Variants in NLGN1 observed in about 807,000 individuals in gnomAD.
NLGN1 encodes neuroligin-1.
In NLGN1, 12 loss-of-function variants were observed where a neutral mutation model predicts 65.5. The ratio of observed to expected loss-of-function variants is 0.18; its 90% CI spans 0.12 to 0.30. NLGN1 has a LOEUF of 0.30. NLGN1 is among the 10% of genes least tolerant of loss of function. The pLI is 1.00. For synonymous variants in NLGN1, 350 were observed against 359.5 expected, an observed-to-expected ratio of 0.97 and a Z score of 0.30; for missense variants, 750 against 1,007.1, an observed-to-expected ratio of 0.74 and a Z score of 3.46.
At chr3:173,845,459 G>A (rs1422086248) in intron 4 of NLGN1, among the ~76,000 whole-genome samples, 1 of 152,152 alleles carries the variant, frequency 6.6e-6, no homozygotes, top group Non-Finnish European at 1.5e-5. Context: ...ACACTCAGAA[G>A]TATCTTAATG....
At chr3:173,476,179 C>G (rs930620985) in intron 2 of NLGN1, among the ~76,000 whole-genome samples, 1 of 152,166 alleles carries the variant, frequency 6.6e-6, no homozygotes, top group Non-Finnish European at 1.5e-5. Context: ...TTCTTTAGAT[C>G]AGCAGAGTGC....
At chr3:173,450,201 T>C (rs376151350) in intron 2 of NLGN1, among the ~76,000 whole-genome samples, 6 of 152,306 alleles carry the variant, frequency 3.9e-5, no homozygotes, top group East Asian at 1.9e-4. Context: ...TGGCTGGTAC[T>C]GGTTGTTCCT....
At chr3:173,586,342 T>A (rs1301678063) in intron 2 of NLGN1, among the ~76,000 whole-genome samples, 1 of 152,240 alleles carries the variant, frequency 6.6e-6, no homozygotes, top group Admixed American at 6.5e-5. Flanking sequence ...TCTGTGTGTG[T>A]GAACTCATCA....
At chr3:173,623,289 A>T (rs1344231361) in intron 3 of NLGN1, among the ~76,000 whole-genome samples, 1 of 151,958 alleles carries the variant, frequency 6.6e-6, no homozygotes, top group Non-Finnish European at 1.5e-5. Flanking sequence ...GTTCAGTCTG[A>T]TTGGAAAAGA....
chr3:174,081,187 T>A (rs1215977960), intron 4 of NLGN1, among the ~76,000 whole-genome samples: 1 of 152,122 alleles, frequency 6.6e-6, no homozygotes, highest in East Asian at 1.9e-4. Flanking sequence ...AATTGCTCCA[T>A]GTTGGTGTGC....
chr3:173,619,273 C>T (rs1255978166), intron 3 of NLGN1, among the ~76,000 whole-genome samples: 2 of 152,072 alleles, frequency 1.3e-5, no homozygotes, highest in East Asian at 3.9e-4. Flanking sequence ...TAGTTCCCTT[C>T]ACATCTAAGG....
chr3:173,668,861 T>A (rs527355704), intron 3 of NLGN1, among the ~76,000 whole-genome samples: 14 of 152,050 alleles, frequency 9.2e-5, no homozygotes, highest in Non-Finnish European at 1.6e-4. Context: ...TGACCTCAAG[T>A]GATCCGCCCG....
chr3:173,535,655 G>T (rs978629831), intron 2 of NLGN1, among the ~76,000 whole-genome samples: 2 of 152,146 alleles, frequency 1.3e-5, no homozygotes, highest in African/African-American at 4.8e-5. Context: ...GTGACCATAA[G>T]ATGTTGACTC....
chr3:173,519,511 C>T (rs1577075827), intron 2 of NLGN1, among the ~76,000 whole-genome samples: 1 of 152,258 alleles, frequency 6.6e-6, no homozygotes, highest in South Asian at 2.1e-4. Flanking sequence ...AAACACACCC[C>T]TTGCACAAGT....
chr3:173,459,092 A>G (rs1425691494), intron 2 of NLGN1, among the ~76,000 whole-genome samples: 3 of 151,990 alleles, frequency 2.0e-5, no homozygotes, highest in Admixed American at 6.6e-5. Flanking sequence ...AGAAGAGGGT[A>G]TTTTATTTTG....
At chr3:174,154,636 T>A (rs973960201) in intron 4 of NLGN1, among the ~76,000 whole-genome samples, 4 of 151,758 alleles carry the variant, frequency 2.6e-5, no homozygotes, top group Non-Finnish European at 5.9e-5. Context: ...AGTACAGCTA[T>A]AAGCAAGATA....
intron 4 of NLGN1, among the ~76,000 whole-genome samples, chr3:173,903,310 C>T (rs1484027406): frequency 6.6e-6 from 1 of 152,054 alleles, no homozygotes; most frequent in African/African-American, 2.4e-5. Context: ...ACAGACCAGA[C>T]TCAGCTACTG....
At chr3:173,463,139 G>A (rs1723690254) in intron 2 of NLGN1, among the ~76,000 whole-genome samples, 1 of 152,134 alleles carries the variant, frequency 6.6e-6, no homozygotes. Context: ...GAGATCAGTA[G>A]GGCATGCTAG....
Position 173,730,627 on chromosome 3 carries a change from A to T in NLGN1, c.494-77053A>T, listed in dbSNP as rs530841563. On this transcript the variant is annotated intron_variant, in intron 3 of 6. Transcript: ENST00000457714. ...CACTGTACTGGACAGCACTTATCTA[A>T]TGCCTTGATTGTTTGCCTTGTCTTT... 4.6e-5 allele frequency among the ~76,000 whole-genome samples: 7 copies of T among 152,148 alleles called. No homozygotes were observed. The South Asian group carries it at 1.5e-3, about 32-fold the overall frequency.
intron 4 of NLGN1, among the ~76,000 whole-genome samples, chr3:174,012,830 A>G (rs73880308): frequency 0.031 from 4,711 of 152,230 alleles, 253 homozygotes; most frequent in African/African-American, 0.11. Context: ...ACCAGTTTCA[A>G]GTGATATAGT....
intron 3 of NLGN1, among the ~76,000 whole-genome samples, chr3:173,777,338 G>A (rs984482559): frequency 4.6e-5 from 7 of 151,944 alleles, no homozygotes; most frequent in African/African-American, 1.7e-4. Context: ...AGTAGGTTCT[G>A]TAAGTGAACA....
At chr3:173,777,449 G>A (rs1780466643) in intron 3 of NLGN1, among the ~76,000 whole-genome samples, 1 of 151,902 alleles carries the variant, frequency 6.6e-6, no homozygotes, top group African/African-American at 2.4e-5. Flanking sequence ...TATACATTAT[G>A]TAATGATCAA....
intron 2 of NLGN1, among the ~76,000 whole-genome samples, chr3:173,484,349 C>T (rs1727802364): frequency 6.6e-6 from 1 of 151,950 alleles, no homozygotes; most frequent in African/African-American, 2.4e-5. Flanking sequence ...TCTTTTTGAT[C>T]ATGGGGAGAG....
chr3:173,962,988 TA>T (rs1396653896), intron 4 of NLGN1, among the ~76,000 whole-genome samples: 1 of 152,138 alleles, frequency 6.6e-6, no homozygotes, highest in East Asian at 1.9e-4. Context: ...AAGTTAGTTG[TA>T]GTTATGGTCG....
Sources: allele counts gnomAD v4.1 joint callset (sites outside exome capture counted in the v4.1 genomes callset), GRCh38; gene constraint gnomAD v4.1.1; transcripts MANE v1.5; gene names NCBI Gene and HGNC (gene_info 2026-07-23, HGNC 2026-07-21).